MYBPC2: variants seen among roughly 807,000 people sequenced by gnomAD.
MYBPC2 encodes myosin binding protein C2.
Under a neutral mutation model 137.0 loss-of-function variants are expected in MYBPC2, and 122 were observed. The ratio of observed to expected loss-of-function variants is 0.89; its 90% CI spans 0.77 to 1.03. MYBPC2 has a LOEUF of 1.03. Ranked by LOEUF, MYBPC2 falls within the 50% of genes least tolerant of loss-of-function variation. The pLI, the probability that MYBPC2 is intolerant of heterozygous loss-of-function variation, is 0.00. For synonymous variants in MYBPC2, 626 were observed against 612.3 expected, an observed-to-expected ratio of 1.02 and a Z score of -0.33; for missense variants, 1,500 against 1,534.4, an observed-to-expected ratio of 0.98 and a Z score of 0.37.
At chr19:50,438,785 G>C (rs1448205399) in intron 7 of MYBPC2, among the ~76,000 whole-genome samples, 1 of 152,026 alleles carries the variant, frequency 6.6e-6, no homozygotes, top group African/African-American at 2.4e-5. Context: ...AGGATCGTTT[G>C]AGCCCAGGAG....
At chr19:50,446,640 C>T (rs111989912) in intron 12 of MYBPC2, among the ~76,000 whole-genome samples, 2 of 149,778 alleles carry the variant, frequency 1.3e-5, no homozygotes, top group South Asian at 2.1e-4. Context: ...GCCAACATGG[C>T]GAAAACCCAT....
intron 7 of MYBPC2, among the ~76,000 whole-genome samples, chr19:50,439,768 A>G (rs1421774562): frequency 6.6e-6 from 1 of 152,242 alleles, no homozygotes; most frequent in Non-Finnish European, 1.5e-5. Context: ...GTCTTGTCCA[A>G]CAGACATAGA....
At chr19:50,441,859 AAAAAT>A (rs769002509) in intron 8 of MYBPC2, among the ~76,000 whole-genome samples, 2,227 of 150,756 alleles carry the variant, frequency 0.015, 48 homozygotes, top group African/African-American at 0.051. Context: ...AAATAAAATA[AAAAAT>A]AAAATAAAAT....
At position 50,461,663 on chromosome 19, in the gene MYBPC2, C is replaced by T. The variant is rs770364722; in HGVS notation, c.3053C>T (p.Pro1018Leu). 5 of 1,613,496 alleles carry T rather than the reference C, an allele frequency of 3.1e-6. No homozygotes were observed. In the East Asian group the frequency reaches 6.7e-5, roughly 22 times the overall value. The change falls in exon 25 of 28, where the codon CCT (proline) becomes CTT (leucine). Residue 1018 changes from proline to leucine, a missense_variant. By Grantham distance (98) the Pro-to-Leu change is moderately conservative (BLOSUM62 -3). Transcript: ENST00000357701. The stretch of plus-strand genomic sequence containing the variant: ...AACATCTGTGGGCTCAGTGACTCAC[C>T]TGGTGTCTCCAAGAACACGGCCCGC... ...TENICGLSDS[P>L]GVSKNTARIL...
Position 50,446,065 on chromosome 19 carries a change from C to G in MYBPC2, c.1306+13C>G. 6.2e-7 allele frequency: 1 copy of G among 1,610,574 alleles called. No homozygotes were observed. On this transcript the variant is annotated intron_variant, in intron 12 of 27. Coordinates refer to ENST00000357701, the MANE Select transcript of MYBPC2 (RefSeq NM_004533.4). Reference sequence around the variant, plus strand: ...CTGATTGTGGAAGGTATGGGGCCTCCAGGTAGGGCACGGGCTGCACTGCGC... The same window carrying G: ...CTGATTGTGGAAGGTATGGGGCCTCGAGGTAGGGCACGGGCTGCACTGCGC...
Position 50,460,152 on chromosome 19 carries a change from C to A in MYBPC2, c.2904C>A (p.Phe968Leu), listed in dbSNP as rs373203655. Residue 968 changes from phenylalanine to leucine, a missense_variant, in exon 24 of 28, where the codon TTC becomes TTA. By Grantham distance (22) the Phe-to-Leu change is conservative (BLOSUM62 0). Coordinates refer to ENST00000357701, the MANE Select transcript of MYBPC2 (RefSeq NM_004533.4). ...GGAACAGTGAGATCATGGGGTATTT[C>A]GTCCAGAAAGCAGACAAAAAAACCA... ...DDGNSEIMGYFVQKADKKTME... is the reference protein window; with the variant it reads ...DDGNSEIMGYLVQKADKKTME... The A allele has an allele frequency of 6.3e-7, 1 of 1,597,840 alleles. No homozygotes were observed. Among genetic ancestry groups the A allele is most frequent in the Admixed American group, 1.7e-5 (1 of 57,186 alleles).
chr19:50,459,371 A>T, intron 23 of MYBPC2, 65 bp downstream of exon 23: 2 of 595,170 alleles, frequency 3.4e-6, no homozygotes, highest in Non-Finnish European at 5.1e-6. Flanking sequence ...ATGGGGGAGG[A>T]GGTAAGAGAT....
At chr19:50,462,379 T>C (rs1468603961) in intron 26 of MYBPC2, among the ~76,000 whole-genome samples, 1 of 152,006 alleles carries the variant, frequency 6.6e-6, no homozygotes, top group Admixed American at 6.6e-5. Flanking sequence ...AGATGGGGTC[T>C]TGCTATGTTG....
Position 50,448,364 on chromosome 19 carries a change from G to A in MYBPC2, c.1446G>A (p.Lys482=), listed in dbSNP as rs2039825596. 5.6e-6 allele frequency: 9 copies of A among 1,613,618 alleles called. No individual in the cohort carries two copies. The highest frequency in any genetic ancestry group is 1.3e-5 in the African/African-American group (1 of 74,928). ...YKNGVEVRPS[K]RITISHVGRF... is the part of the protein sequence containing the mutation. ...ATGGGGTCGAGGTGCGGCCCAGCAAGAGGATCACCATTTCCCATGTAGGCA... is the reference window on the plus strand; with the variant it reads ...ATGGGGTCGAGGTGCGGCCCAGCAAAAGGATCACCATTTCCCATGTAGGCA... Residue 482 remains lysine, a synonymous_variant, in exon 13 of 28, where the codon AAG becomes AAA. Coordinates refer to ENST00000357701, the MANE Select transcript of MYBPC2 (RefSeq NM_004533.4).
At chr19:50,439,721 T>A (rs117847214) in intron 7 of MYBPC2, among the ~76,000 whole-genome samples, 15 of 152,314 alleles carry the variant, frequency 9.8e-5, no homozygotes, top group Middle Eastern at 3.4e-3. Flanking sequence ...TCTGACTGGG[T>A]CCCTGATGTG....
chr19:50,441,963 G>A (rs918550606), intron 8 of MYBPC2, among the ~76,000 whole-genome samples: 4 of 152,122 alleles, frequency 2.6e-5, no homozygotes, highest in Non-Finnish European at 5.9e-5. Flanking sequence ...GGGTGAAGCC[G>A]ATAACCCTTG....
At chr19:50,458,477 A>T (rs2039934417) in intron 20 of MYBPC2, 110 bp from the exon 21 acceptor site, 1 of 1,295,930 alleles carries the variant, frequency 7.7e-7, no homozygotes, top group Non-Finnish European at 1.0e-6. Context: ...TCTACTGGGA[A>T]CTTACTCAGT....
intron 23 of MYBPC2, 151 bp from the exon 24 acceptor site, chr19:50,459,889 G>A (rs2039955310): frequency 8.8e-7 from 1 of 1,138,334 alleles, no homozygotes; most frequent in Non-Finnish European, 1.3e-6. Flanking sequence ...AGGAAGTGGA[G>A]AGACTGGGAT....
chr19:50,440,341 A>AAT (rs2039739782), intron 7 of MYBPC2, among the ~76,000 whole-genome samples: 1 of 151,118 alleles, frequency 6.6e-6, no homozygotes, highest in East Asian at 1.9e-4. Context: ...TAAATAAATA[A>AAT]ATAAATAAAT....
At chr19:50,433,876 G>A (rs1485150856) in intron 1 of MYBPC2, among the ~76,000 whole-genome samples, 1 of 151,712 alleles carries the variant, frequency 6.6e-6, no homozygotes, top group Non-Finnish European at 1.5e-5. Flanking sequence ...AGGAGTTCAA[G>A]ACCAGCCTGG....
Position 50,435,661 on chromosome 19 carries a change from T to G in MYBPC2, c.110-115T>G. On this transcript the variant is annotated intron_variant, in intron 2 of 27. Coordinates refer to ENST00000357701, the MANE Select transcript of MYBPC2 (RefSeq NM_004533.4). This position sits in a 1 kb window ranked among gnomAD's most constrained non-coding sequence, Gnocchi z 4.8. ...AAAAGCCATTTAACCCCCATGATGT[T>G]TGGTTTCTGAGTAGAGGGGCCCTCA... is the stretch of plus-strand genomic sequence containing the variant. 1 of 849,026 alleles carries G rather than the reference T, an allele frequency of 1.2e-6. No homozygotes were observed. The highest frequency in any genetic ancestry group is 1.8e-6 in the Non-Finnish European group (1 of 554,632). The allele number at this position is 849,026 out of a possible 1,614,324, so 52.6% of individuals were successfully genotyped here.
Position 50,455,228 on chromosome 19 carries a change from G to A in MYBPC2, c.2135G>A (p.Arg712His), listed in dbSNP as rs368536456. 14 of 1,613,710 alleles carry A rather than the reference G, an allele frequency of 8.7e-6. No homozygotes were observed. Among genetic ancestry groups the A allele is most frequent in the East Asian group, 2.2e-5 (1 of 44,882 alleles). ...ATCGAGGGCATCCTCTATGAGATGC[G>A]TGTCTTCGCCGTCAATGCTATAGGG... The part of the protein sequence containing the change: ...KMIEGILYEM[R>H]VFAVNAIGVS... Residue 712 changes from arginine to histidine, a missense_variant, in exon 19 of 28, where the codon CGT becomes CAT. By Grantham distance (29) the Arg-to-His change is conservative. Coordinates refer to ENST00000357701, the MANE Select transcript of MYBPC2 (RefSeq NM_004533.4).
At chr19:50,448,872 C>T (rs2039831822) in intron 13 of MYBPC2, among the ~76,000 whole-genome samples, 1 of 151,024 alleles carries the variant, frequency 6.6e-6, no homozygotes. Context: ...CTAGCTGGGA[C>T]TACAGGCATG....
chr19:50,452,006 G>A lies in MYBPC2; in HGVS notation c.1749+3G>A. Reference sequence around the variant, plus strand: ...CTACCTGGCTGAAGGGAGATGAGGTGGGTTGGGGCCGCCCCTCTGTCCTCA... The same window carrying A: ...CTACCTGGCTGAAGGGAGATGAGGTAGGTTGGGGCCGCCCCTCTGTCCTCA... On this transcript the variant is annotated splice_donor_region_variant and intron_variant, in intron 16 of 27. Transcript: ENST00000357701. 3.2e-6 allele frequency: 5 copies of A among 1,552,074 alleles called. No individual in the cohort carries two copies. The highest frequency in any genetic ancestry group is 4.4e-6 in the Non-Finnish European group (5 of 1,147,076).
Sources: allele counts gnomAD v4.1 joint callset (sites outside exome capture counted in the v4.1 genomes callset), GRCh38; gene constraint gnomAD v4.1.1; non-coding constraint Gnocchi (gnomAD v3.1); transcripts MANE v1.5; gene names NCBI Gene and HGNC (gene_info 2026-07-23, HGNC 2026-07-21).